The following NBAS variants were observed in gnomAD, a reference collection of about 807,000 sequenced individuals.
NBAS encodes the protein NBAS subunit of NRZ tethering complex.
Under a neutral mutation model 302.5 loss-of-function variants are expected in NBAS, and 219 were observed. The ratio of observed to expected loss-of-function variants is 0.72; its 90% CI spans 0.65 to 0.81. The LOEUF is 0.81. Among genes scored for constraint, NBAS ranks in the 30% least tolerant of loss-of-function variants. The pLI, the probability that NBAS is intolerant of heterozygous loss-of-function variation, is 0.00. For missense variants in NBAS, 2,932 were observed against 2,841.6 expected (o/e 1.03, Z -0.72); for synonymous variants, 1,118 against 1,021.6 (o/e 1.09, Z -1.80).
the NBAS span, among the ~76,000 whole-genome samples, chr2:14,849,153 A>C: frequency 5.0e-5 from 7 of 141,070 alleles, no homozygotes; most frequent in Admixed American, 1.4e-4. Context: ...ATTCAAACCA[A>C]AGGCAAAGAA....
chr2:15,333,687 AG>A (rs1478464126), intron 35 of NBAS, among the ~76,000 whole-genome samples: 5 of 152,026 alleles, frequency 3.3e-5, no homozygotes, highest in African/African-American at 1.2e-4. Flanking sequence ...AGACAAGTAG[AG>A]AAATTCCATC....
chr2:15,561,124 A>T, intron 1 of NBAS, 64 bp downstream of exon 1: 1 of 1,412,768 alleles, frequency 7.1e-7, no homozygotes, highest in Non-Finnish European at 9.9e-7. Flanking sequence ...GGCTCCTGCT[A>T]CGTGGCTCTA....
At chr2:15,320,938 T>G (rs926362888) in intron 38 of NBAS, among the ~76,000 whole-genome samples, 16 of 152,246 alleles carry the variant, frequency 1.1e-4, no homozygotes, top group African/African-American at 3.6e-4. Flanking sequence ...CATTGCCAAG[T>G]CAATCCTAAG....
intron 23 of NBAS, among the ~76,000 whole-genome samples, chr2:15,417,921 C>CAGCAAGAA (rs1677027328): frequency 6.6e-6 from 1 of 152,148 alleles, no homozygotes; most frequent in African/African-American, 2.4e-5. Flanking sequence ...ATCAAACAAT[C>CAGCAAGAA]AGCAAGAAAT....
At chr2:15,338,866 A>T (rs1672719509) in intron 35 of NBAS, among the ~76,000 whole-genome samples, 1 of 151,970 alleles carries the variant, frequency 6.6e-6, no homozygotes, top group Non-Finnish European at 1.5e-5. Context: ...AATAAAAATT[A>T]CCCAGGGATA....
chr2:14,821,437 C>T, the NBAS span, among the ~76,000 whole-genome samples: 1 of 152,178 alleles, frequency 6.6e-6, no homozygotes, highest in Non-Finnish European at 1.5e-5. Context: ...ATCCACCCTG[C>T]CCGCTCTGGA....
At chr2:15,111,583 T>C in the NBAS span, among the ~76,000 whole-genome samples, 1 of 152,098 alleles carries the variant, frequency 6.6e-6, no homozygotes, top group African/African-American at 2.4e-5. Context: ...GCTCTCTATG[T>C]GCCCTCTACA....
At chr2:15,353,836 A>T (rs1424119386) in intron 33 of NBAS, 126 bp from the exon 34 acceptor site, 1 of 1,113,704 alleles carries the variant, frequency 9.0e-7, no homozygotes, top group Non-Finnish European at 1.4e-6. Flanking sequence ...CATTAGTGAC[A>T]CATTATTTTA....
At chr2:15,220,120 G>A (rs74173242) in intron 47 of NBAS, among the ~76,000 whole-genome samples, 7,260 of 133,446 alleles carry the variant, frequency 0.054, 59 homozygotes, top group Middle Eastern at 0.1. Flanking sequence ...GCGGCTGGCC[G>A]GGCGGGGGGC....
chr2:14,929,952 C>G, the NBAS span, among the ~76,000 whole-genome samples: 1 of 152,134 alleles, frequency 6.6e-6, no homozygotes. Flanking sequence ...ATCACAAGAT[C>G]TGGTTGTTTA....
At chr2:15,302,702 CAA>C (rs1227770341) in intron 40 of NBAS, among the ~76,000 whole-genome samples, 5 of 152,124 alleles carry the variant, frequency 3.3e-5, no homozygotes, top group Non-Finnish European at 4.4e-5. Flanking sequence ...TTGAGGAATG[CAA>C]AGTATTGTTC....
At chr2:15,321,378 A>C (rs1048250811) in intron 38 of NBAS, among the ~76,000 whole-genome samples, 3 of 152,200 alleles carry the variant, frequency 2.0e-5, no homozygotes, top group Admixed American at 1.3e-4. Context: ...TGGCAACAAA[A>C]GCCAAAATAG....
At chr2:15,290,589 C>T (rs1037250520) in intron 41 of NBAS, among the ~76,000 whole-genome samples, 6 of 152,164 alleles carry the variant, frequency 3.9e-5, no homozygotes, top group Admixed American at 6.5e-5. Flanking sequence ...GATTACCAAA[C>T]GTCCATAGCA....
At chr2:15,186,310 T>C (rs538024960) in intron 50 of NBAS, among the ~76,000 whole-genome samples, 1 of 152,294 alleles carries the variant, frequency 6.6e-6, no homozygotes, top group Admixed American at 6.5e-5. Flanking sequence ...AAGAATATTG[T>C]GATTATGCAA....
intron 6 of NBAS, among the ~76,000 whole-genome samples, chr2:15,544,504 T>C (rs1432374765): frequency 1.3e-5 from 2 of 152,124 alleles, no homozygotes; most frequent in East Asian, 3.9e-4. Context: ...CTTTGCAAAT[T>C]TGAAGAAATC....
the NBAS span, among the ~76,000 whole-genome samples, chr2:14,985,767 T>C: frequency 6.6e-6 from 1 of 152,226 alleles, no homozygotes; most frequent in African/African-American, 2.4e-5. Context: ...GCTTCCACTT[T>C]GAATTTCTGA....
At chr2:15,128,286 T>C in the NBAS span, among the ~76,000 whole-genome samples, 62 of 152,350 alleles carry the variant, frequency 4.1e-4, no homozygotes, top group African/African-American at 1.4e-3. Flanking sequence ...ATTAATGTGA[T>C]TGACAGCGGG....
chr2:15,145,985 A>C, the NBAS span, among the ~76,000 whole-genome samples: 1 of 152,114 alleles, frequency 6.6e-6, no homozygotes, highest in Admixed American at 6.5e-5. Flanking sequence ...TCATTGGAAA[A>C]ATATCTATTG....
intron 11 of NBAS, 89 bp from the exon 12 acceptor site, chr2:15,489,111 T>A: frequency 7.1e-7 from 1 of 1,409,502 alleles, no homozygotes; most frequent in Non-Finnish European, 9.9e-7. Context: ...AGGTGCCAAG[T>A]TATAAATGAT....
Sources: allele counts gnomAD v4.1 joint callset (sites outside exome capture counted in the v4.1 genomes callset), GRCh38; gene constraint gnomAD v4.1.1; transcripts MANE v1.5; gene names NCBI Gene and HGNC (gene_info 2026-07-23, HGNC 2026-07-21).